The following EML6 variants were observed in gnomAD, a reference collection of about 807,000 sequenced individuals.
EML6 encodes the protein echinoderm microtubule-associated protein-like 6.
EML6 carries 154 observed loss-of-function variants against 240.1 expected under a neutral mutation model. That is an observed-to-expected ratio of 0.64 (90% CI 0.56 to 0.73). The LOEUF (loss-of-function observed/expected upper bound fraction) is 0.73, where lower values mean the gene tolerates loss of function less well. Among genes scored for constraint, EML6 ranks in the 30% least tolerant of loss-of-function variants. EML6 has a pLI of 0.00. For synonymous variants in EML6, 1,148 were observed against 899.0 expected (o/e 1.28, Z -4.95); for missense variants, 2,964 against 2,474.6 (o/e 1.20, Z -4.20).
intron 26 of EML6, among the ~76,000 whole-genome samples, chr2:54,925,194 A>G (rs1222251138): frequency 6.6e-6 from 1 of 151,902 alleles, no homozygotes; most frequent in Non-Finnish European, 1.5e-5. Context: ...CTCCACACAC[A>G]CACCGCCCGC....
intron 2 of EML6, among the ~76,000 whole-genome samples, chr2:54,792,645 AG>A (rs2103915403): frequency 6.6e-6 from 1 of 152,360 alleles, no homozygotes; most frequent in Admixed American, 6.5e-5. Context: ...TGTACACTAA[AG>A]GGTGAATTTT....
chr2:54,883,828 A>G (rs1671973320), intron 17 of EML6, among the ~76,000 whole-genome samples: 1 of 152,220 alleles, frequency 6.6e-6, no homozygotes, highest in Admixed American at 6.5e-5. Context: ...CTTTATTTAT[A>G]TATTGACATT....
intron 2 of EML6, among the ~76,000 whole-genome samples, chr2:54,758,710 A>T (rs755383408): frequency 2.0e-5 from 3 of 152,164 alleles, no homozygotes; most frequent in Non-Finnish European, 2.9e-5. Flanking sequence ...TGCCTACCAA[A>T]GTACCTGGCC....
intron 17 of EML6, chr2:54,880,464 A>G (rs1193483761): frequency 2.0e-5 from 3 of 152,184 alleles, no homozygotes; most frequent in African/African-American, 7.2e-5. Context: ...TTCCTCTACA[A>G]TATTAAATAG....
At chr2:54,769,350 A>G (rs1466387728) in intron 2 of EML6, among the ~76,000 whole-genome samples, 3 of 152,204 alleles carry the variant, frequency 2.0e-5, no homozygotes, top group Non-Finnish European at 4.4e-5. Flanking sequence ...GCCCTAGAGA[A>G]GCAGATTTTA....
At chr2:54,967,745 A>G (rs981761805) in intron 39 of EML6, among the ~76,000 whole-genome samples, 12 of 152,156 alleles carry the variant, frequency 7.9e-5, no homozygotes, top group Non-Finnish European at 1.6e-4. Context: ...CCAGGGACCA[A>G]TTTCATGGAA....
intron 2 of EML6, among the ~76,000 whole-genome samples, chr2:54,761,743 C>A (rs7567900): frequency 0.35 from 53,155 of 151,936 alleles, 11,263 homozygotes; most frequent in African/African-American, 0.59. Context: ...ATTTTGGAAT[C>A]ATTTCAAACT....
intron 26 of EML6, 109 bp from the exon 27 acceptor site, chr2:54,928,204 A>G (rs970483307): frequency 2.3e-6 from 2 of 854,594 alleles, no homozygotes; most frequent in African/African-American, 3.4e-5. Context: ...AATGTAGGAA[A>G]TTGCTGTTGA....
intron 7 of EML6, among the ~76,000 whole-genome samples, chr2:54,832,699 A>G (rs541398359): frequency 4.0e-5 from 6 of 151,818 alleles, no homozygotes; most frequent in African/African-American, 1.5e-4. Context: ...AGAGCAAAAG[A>G]AAGCAGAGTG....
intron 2 of EML6, among the ~76,000 whole-genome samples, chr2:54,762,655 G>C (rs1234320081): frequency 6.6e-6 from 1 of 152,086 alleles, no homozygotes; most frequent in Non-Finnish European, 1.5e-5. Context: ...TTGATGCTCA[G>C]ATTATCCCCA....
At position 54,772,871 on chromosome 2, in the gene EML6, T is replaced by A. The variant is rs565882481; in HGVS notation, c.198-40361T>A. On this transcript the variant is annotated intron_variant, in intron 2 of 41. Coordinates refer to ENST00000356458, the MANE Select transcript of EML6 (RefSeq NM_001039753.4). ...TGATGACATTGTCAGAGTCCACGTG[T>A]ACAATTCTGGATTAATTTAACCAGA... Among the ~76,000 whole-genome samples, 3 of 152,356 alleles carry A rather than the reference T, an allele frequency of 2.0e-5. No homozygotes were observed. The South Asian group carries it at 6.2e-4, about 32-fold the overall frequency.
At chr2:54,739,951 T>C (rs1189355004) in intron 2 of EML6, among the ~76,000 whole-genome samples, 1 of 152,006 alleles carries the variant, frequency 6.6e-6, no homozygotes, top group African/African-American at 2.4e-5. Context: ...GGAGAGGGCA[T>C]TGGGAGTAGG....
chr2:54,806,727 A>G (rs776840569), intron 2 of EML6, among the ~76,000 whole-genome samples: 24 of 150,974 alleles, frequency 1.6e-4, no homozygotes, highest in Non-Finnish European at 3.4e-4. Context: ...CCACCTATAT[A>G]GTGCTAGGTT....
intron 10 of EML6, among the ~76,000 whole-genome samples, chr2:54,852,320 T>A (rs1305135159): frequency 3.9e-5 from 6 of 152,248 alleles, no homozygotes; most frequent in African/African-American, 1.4e-4. Flanking sequence ...CCTTATCAAA[T>A]TCTTCAGTGT....
chr2:54,922,890 G>C (rs930671200), intron 26 of EML6, among the ~76,000 whole-genome samples: 1 of 151,618 alleles, frequency 6.6e-6, no homozygotes, highest in Admixed American at 6.6e-5. Context: ...CCAAGGACTG[G>C]AGAGTGGGTG....
chr2:54,857,827 A>G (rs1350824718), intron 11 of EML6, among the ~76,000 whole-genome samples: 1 of 152,220 alleles, frequency 6.6e-6, no homozygotes, highest in African/African-American at 2.4e-5. Context: ...AAAGAGACCA[A>G]TGTACCCAGA....
At chr2:54,911,842 A>G (rs1158008626) in intron 25 of EML6, among the ~76,000 whole-genome samples, 1 of 152,160 alleles carries the variant, frequency 6.6e-6, no homozygotes, top group Non-Finnish European at 1.5e-5. Context: ...TACATACACG[A>G]TTTTTTAGTT....
At chr2:54,920,850 CG>C (rs1193254495) in intron 26 of EML6, among the ~76,000 whole-genome samples, 1 of 151,740 alleles carries the variant, frequency 6.6e-6, no homozygotes, top group Non-Finnish European at 1.5e-5. Flanking sequence ...AAGGATGGTT[CG>C]ACATATGCAA....
At chr2:54,812,121 G>A (rs966364529) in intron 2 of EML6, among the ~76,000 whole-genome samples, 5 of 152,042 alleles carry the variant, frequency 3.3e-5, no homozygotes, top group African/African-American at 7.2e-5. Context: ...TTCAGTGTTC[G>A]CTCTGTACCG....
Sources: gnomAD v4.1 joint callset for allele counts (sites outside exome capture counted in the v4.1 genomes callset) on GRCh38, gnomAD v4.1.1 for gene constraint, MANE v1.5 for transcripts, NCBI Gene and HGNC (gene_info 2026-07-23, HGNC 2026-07-21) for gene names.